The following ZP3 variants were observed in gnomAD, a reference collection of about 807,000 sequenced individuals.
ZP3 encodes zona pellucida glycoprotein 3.
Under a neutral mutation model 35.6 loss-of-function variants are expected in ZP3, and 21 were observed. That is an observed-to-expected ratio of 0.59 (90% confidence interval 0.42 to 0.85). ZP3 has a LOEUF of 0.85. ZP3 is among the 40% of genes least tolerant of loss of function. The pLI, the probability that ZP3 is intolerant of heterozygous loss-of-function variation, is 0.00. For missense variants in ZP3, 437 were observed against 536.5 expected, an observed-to-expected ratio of 0.81 and a Z score of 1.83; for synonymous variants, 207 against 214.5, an observed-to-expected ratio of 0.96 and a Z score of 0.31.
At chr7:76,399,056 G>A (rs1804730989) in intron 1 of ZP3, among the ~76,000 whole-genome samples, 1 of 152,110 alleles carries the variant, frequency 6.6e-6, no homozygotes, top group African/African-American at 2.4e-5. Flanking sequence ...CTGTCGCTCA[G>A]GCTGGAGTGC....
intron 4 of ZP3, 31 bp downstream of exon 4, chr7:76,433,678 T>C (rs1242426375): frequency 6.4e-7 from 1 of 1,567,306 alleles, no homozygotes; most frequent in South Asian, 1.2e-5. Context: ...CTAGAGAACC[T>C]TCCTAGCAAA....
At chr7:76,404,269 A>G in intron 1 of ZP3, 1 of 1,509,302 alleles carries the variant, frequency 6.6e-7, no homozygotes, top group Non-Finnish European at 8.8e-7. Context: ...TGAGATTCAG[A>G]AAGAGGAAGT....
intron 1 of ZP3, among the ~76,000 whole-genome samples, chr7:76,417,809 T>C (rs1408220203): frequency 2.0e-5 from 3 of 151,654 alleles, no homozygotes; most frequent in Admixed American, 6.6e-5. Context: ...AGATGGGGTC[T>C]TGCTATGTTG....
intron 1 of ZP3, among the ~76,000 whole-genome samples, chr7:76,427,507 C>T (rs111243426): frequency 0.024 from 3,017 of 127,204 alleles, 96 homozygotes; most frequent in African/African-American, 0.08. Flanking sequence ...CAGAGTGAGA[C>T]TCCGTCTCAA....
In ZP3 at chr7:76,433,352, G is replaced by C; in HGVS notation, c.536-118G>C. On this transcript the variant is annotated intron_variant, in intron 3 of 7. Transcript: ENST00000394857. ...CTATTTTTAGTAGAGATGGGGTTTT[G>C]CCACGTTGGCTAGGCTGGTCTCGAA... 4.4e-6 allele frequency: 5 copies of C among 1,124,880 alleles called. No individual in the cohort carries two copies. The South Asian group carries it at 7.6e-5, about 17-fold the overall frequency. The allele number at this position is 1,124,880 out of a possible 1,614,324, so 69.7% of individuals were successfully genotyped here.
intron 1 of ZP3, among the ~76,000 whole-genome samples, chr7:76,408,741 C>A (rs557215826): frequency 6.6e-6 from 1 of 152,192 alleles, no homozygotes; most frequent in Non-Finnish European, 1.5e-5. Flanking sequence ...TCCTGCTTCA[C>A]GCCCAAGGGA....
chr7:76,425,211 T>C lies in ZP3; in HGVS notation c.247T>C (p.Ser83Pro). Reference sequence around the variant, plus strand: ...CCCAGAGGCCTGTGAGCCTCTGGTCTCCATGGACACAGAAGATGTGGTCAG... The same window carrying C: ...CCCAGAGGCCTGTGAGCCTCTGGTCCCCATGGACACAGAAGATGTGGTCAG... ...LGPEACEPLV[S>P]MDTEDVVRFE... is the part of the protein sequence containing the mutation. The change falls in exon 1 of 8, where the codon TCC (serine) becomes CCC (proline). Residue 83 changes from serine to proline, a missense_variant. By Grantham distance (74) the Ser-to-Pro change is moderately conservative. Around this residue, in one of 6 missense-constraint regions of ZP3, gnomAD observed 352 missense variants for 308.4 expected, o/e 1.14. Transcript: ENST00000394857. 7 of 1,613,956 alleles carry C rather than the reference T, an allele frequency of 4.3e-6. No individual in the cohort carries two copies. Among genetic ancestry groups the C allele is most frequent in the Non-Finnish European group, 5.9e-6 (7 of 1,179,992 alleles).
At chr7:76,429,696 G>A in intron 2 of ZP3, 63 bp downstream of exon 2, 1 of 1,424,812 alleles carries the variant, frequency 7.0e-7, no homozygotes, top group Non-Finnish European at 9.9e-7. Flanking sequence ...CTGCAGGCAA[G>A]TGGGCTGGCT....
At chr7:76,427,947 T>C (rs902749373) in intron 1 of ZP3, among the ~76,000 whole-genome samples, 4 of 152,056 alleles carry the variant, frequency 2.6e-5, no homozygotes, top group Non-Finnish European at 5.9e-5. Flanking sequence ...GTGCTGGGAT[T>C]ACAGGCATGA....
chr7:76,401,011 G>T, intron 1 of ZP3: 1 of 1,550,732 alleles, frequency 6.4e-7, no homozygotes, highest in Non-Finnish European at 8.7e-7. Context: ...CACCTACCTT[G>T]AAAGGGCAGT....
chr7:76,413,092 A>G (rs75910204), intron 1 of ZP3, among the ~76,000 whole-genome samples: 8,193 of 150,436 alleles, frequency 0.054, 278 homozygotes, highest in East Asian at 0.13. Context: ...CCTCCCAAGT[A>G]GCTGGGACTA....
intron 1 of ZP3, among the ~76,000 whole-genome samples, chr7:76,405,339 C>CTTTTTTT (rs1193527373): frequency 4.7e-5 from 1 of 21,390 alleles, no homozygotes; most frequent in Non-Finnish European, 8.0e-5. Context: ...TTCTTTCTTT[C>CTTTTTTT]TTTTTTTTTT....
At chr7:76,413,812 G>T (rs190453727) in intron 1 of ZP3, among the ~76,000 whole-genome samples, 1 of 151,178 alleles carries the variant, frequency 6.6e-6, no homozygotes, top group African/African-American at 2.4e-5. Flanking sequence ...GACTACAGGC[G>T]TGCGCCACCA....
At chr7:76,416,934 ATG>A (rs1430417662) in intron 1 of ZP3, among the ~76,000 whole-genome samples, 49 of 111,318 alleles carry the variant, frequency 4.4e-4, no homozygotes, top group African/African-American at 1.6e-3. Flanking sequence ...ACACATACAT[ATG>A]TATACATACA....
intron 2 of ZP3, 48 bp from the exon 3 acceptor site, chr7:76,432,879 G>T: frequency 6.5e-7 from 1 of 1,535,154 alleles, no homozygotes; most frequent in Non-Finnish European, 9.0e-7. Context: ...GGGGGCCCAG[G>T]TGGGTGTGAC....
intron 1 of ZP3, chr7:76,400,607 A>G: frequency 6.9e-7 from 1 of 1,439,684 alleles, no homozygotes; most frequent in South Asian, 1.5e-5. Context: ...AAGAGGGTGG[A>G]GCTGGCACCA....
intron 2 of ZP3, among the ~76,000 whole-genome samples, chr7:76,430,578 C>A (rs1344156688): frequency 1.3e-5 from 2 of 151,978 alleles, no homozygotes; most frequent in Non-Finnish European, 2.9e-5. Flanking sequence ...ACTAAAAACA[C>A]AAAAAAATTA....
At chr7:76,412,579 G>T (rs1246925617) in intron 1 of ZP3, among the ~76,000 whole-genome samples, 1 of 152,234 alleles carries the variant, frequency 6.6e-6, no homozygotes, top group Non-Finnish European at 1.5e-5. Flanking sequence ...GCTGGGCGCA[G>T]TGGCTCACGC....
chr7:76,400,969 G>T (rs902538807), intron 1 of ZP3: 11 of 1,551,036 alleles, frequency 7.1e-6, no homozygotes, highest in Middle Eastern at 1.7e-4. Flanking sequence ...GTACCTGGCG[G>T]ACAGGTGAGG....
Sources: allele counts gnomAD v4.1 joint callset (sites outside exome capture counted in the v4.1 genomes callset), GRCh38; gene constraint gnomAD v4.1.1; regional missense constraint gnomAD v4.1.1; transcripts MANE v1.5; gene names NCBI Gene and HGNC (gene_info 2026-07-23, HGNC 2026-07-21).